The following WDFY4 variants were observed in gnomAD, a reference collection of about 807,000 sequenced individuals.
The protein encoded by WDFY4 is WD repeat- and FYVE domain-containing protein 4.
In WDFY4, 169 loss-of-function variants were observed where a neutral mutation model predicts 351.9. The observed-to-expected ratio is 0.48, with a 90% confidence interval of 0.42 to 0.55. WDFY4 has a LOEUF of 0.55. Among genes scored for constraint, WDFY4 ranks in the 20% least tolerant of loss-of-function variants. The pLI is 0.00. For missense variants in WDFY4, 3,803 were observed against 3,935.6 expected, an observed-to-expected ratio of 0.97 and a Z score of 0.90; for synonymous variants, 1,622 against 1,574.6, an observed-to-expected ratio of 1.03 and a Z score of -0.71.
intron 13 of WDFY4, among the ~76,000 whole-genome samples, chr10:48,774,000 T>TC (rs1374501141): frequency 2.0e-5 from 3 of 151,912 alleles, no homozygotes; most frequent in Non-Finnish European, 2.9e-5. Flanking sequence ...CCAGCCACCT[T>TC]CCCCCCACAG....
intron 19 of WDFY4, among the ~76,000 whole-genome samples, chr10:48,783,962 A>G (rs143257305): frequency 6.6e-6 from 1 of 152,378 alleles, no homozygotes; most frequent in Non-Finnish European, 1.5e-5. Context: ...GTAATGTGGC[A>G]CACAGCAATA....
At chr10:48,745,210 T>C (rs2064972269) in intron 12 of WDFY4, among the ~76,000 whole-genome samples, 1 of 152,258 alleles carries the variant, frequency 6.6e-6, no homozygotes, top group Non-Finnish European at 1.5e-5. Context: ...GTTTGAATTT[T>C]GAATTTCCAT....
chr10:48,914,502 T>G (rs973282483), intron 47 of WDFY4, among the ~76,000 whole-genome samples: 1 of 152,176 alleles, frequency 6.6e-6, no homozygotes, highest in Non-Finnish European at 1.5e-5. Context: ...CCCCGACTTA[T>G]AAATACTCTC....
At chr10:48,707,561 C>T (rs1197001379) in intron 1 of WDFY4, among the ~76,000 whole-genome samples, 1 of 152,086 alleles carries the variant, frequency 6.6e-6, no homozygotes. Context: ...GCATGTGATG[C>T]CCACTTTGGA....
intron 1 of WDFY4, among the ~76,000 whole-genome samples, chr10:48,685,415 G>C (rs550106795): frequency 2.5e-4 from 38 of 152,302 alleles, no homozygotes; most frequent in African/African-American, 8.2e-4. Flanking sequence ...GGACAGTGAG[G>C]CTCGCCCTCC....
At chr10:48,926,030 G>A (rs1384637739) in intron 47 of WDFY4, among the ~76,000 whole-genome samples, 1 of 152,212 alleles carries the variant, frequency 6.6e-6, no homozygotes, top group East Asian at 1.9e-4. Context: ...CAATGTGTCT[G>A]ATACGCAAGC....
chr10:48,834,911 G>A (rs2068330716), intron 39 of WDFY4, among the ~76,000 whole-genome samples: 1 of 152,218 alleles, frequency 6.6e-6, no homozygotes, highest in Non-Finnish European at 1.5e-5. Flanking sequence ...AGACCACCAT[G>A]TTTAGGGCCA....
At chr10:48,890,343 G>T (rs2133365908) in intron 43 of WDFY4, among the ~76,000 whole-genome samples, 1 of 152,266 alleles carries the variant, frequency 6.6e-6, no homozygotes, top group South Asian at 2.1e-4. Context: ...CACACATCTT[G>T]GTGGGAGCAG....
rs149324794 is a variant in WDFY4 at position 48,714,350 on chromosome 10, C to G, written c.234+4384C>G. Among the ~76,000 whole-genome samples, 20 of 152,334 alleles carry G rather than the reference C, an allele frequency of 1.3e-4. No individual in the cohort carries two copies. In the East Asian group the frequency reaches 3.7e-3, roughly 28 times the overall value. The stretch of plus-strand genomic sequence containing the variant: ...TTGGGCTCAAAAAGAATGTCTCCCC[C>G]ACACATAGGATGTTTAGATTGCTGA... On this transcript the variant is annotated intron_variant, in intron 2 of 61. Transcript: ENST00000325239.
intron 47 of WDFY4, among the ~76,000 whole-genome samples, chr10:48,930,800 T>A (rs1839948625): frequency 6.7e-6 from 1 of 150,216 alleles, no homozygotes; most frequent in Non-Finnish European, 1.5e-5. Flanking sequence ...CAAAAAAAAA[T>A]TATTTCCCAA....
At chr10:48,930,732 T>A (rs575064316) in intron 47 of WDFY4, among the ~76,000 whole-genome samples, 80 of 152,078 alleles carry the variant, frequency 5.3e-4, no homozygotes, top group African/African-American at 1.9e-3. Context: ...AATAGATGAG[T>A]GATTAAATAA....
At chr10:48,811,212 C>T (rs575255528) in intron 29 of WDFY4, among the ~76,000 whole-genome samples, 121 of 152,310 alleles carry the variant, frequency 7.9e-4, no homozygotes, top group African/African-American at 2.8e-3. Context: ...CTGTCCCTCC[C>T]ACTACAATGC....
chr10:48,790,570 C>T (rs909898826), intron 22 of WDFY4, among the ~76,000 whole-genome samples, 157 bp from the exon 23 acceptor site: 2 of 152,216 alleles, frequency 1.3e-5, no homozygotes, highest in Admixed American at 6.5e-5. Flanking sequence ...TCAGAACCTC[C>T]TGCTCTTCCC....
intron 45 of WDFY4, among the ~76,000 whole-genome samples, chr10:48,899,061 C>A (rs935054727): frequency 8.6e-5 from 13 of 150,894 alleles, no homozygotes; most frequent in African/African-American, 3.0e-4. Flanking sequence ...AGATAGGTAT[C>A]AGTCAGTGGG....
chr10:48,856,338 A>T (rs1482795867), intron 39 of WDFY4, among the ~76,000 whole-genome samples: 2 of 152,174 alleles, frequency 1.3e-5, no homozygotes, highest in Admixed American at 6.5e-5. Flanking sequence ...ATCTCAACTT[A>T]CCTAACCAGA....
Position 48,934,564 on chromosome 10 carries a change from GC to G in WDFY4, c.7587-7239del, listed in dbSNP as rs1226597057. Among the ~76,000 whole-genome samples the G allele has an allele frequency of 4.6e-5, 7 of 152,328 alleles. No individual in the cohort carries two copies. In the South Asian group the frequency reaches 8.3e-4, roughly 18 times the overall value. On this transcript the variant is annotated intron_variant, in intron 47 of 61. Coordinates refer to ENST00000325239, the MANE Select transcript of WDFY4 (RefSeq NM_001394531.1). ...CCCATGAAGAATCCCCCTTTGCAAA[GC>G]CCAACTTAGCCTAGGGCTTAACCAC...
intron 43 of WDFY4, among the ~76,000 whole-genome samples, chr10:48,881,245 C>T (rs564737210): frequency 6.6e-6 from 1 of 152,218 alleles, no homozygotes; most frequent in Admixed American, 6.5e-5. Context: ...TTGGAAGAAC[C>T]CTGGTACCTA....
At chr10:48,774,747 G>A (rs530823697) in intron 14 of WDFY4, 75 bp downstream of exon 14, 14 of 1,501,438 alleles carry the variant, frequency 9.3e-6, no homozygotes, top group South Asian at 4.8e-5. Flanking sequence ...TGCACAATGG[G>A]CAGTGGAGAG....
intron 2 of WDFY4, among the ~76,000 whole-genome samples, chr10:48,719,657 G>T (rs1177059531): frequency 2.0e-5 from 3 of 152,240 alleles, no homozygotes; most frequent in Non-Finnish European, 4.4e-5. Flanking sequence ...GAGGAAGGGA[G>T]AAACCTGGAG....
Sources: allele counts gnomAD v4.1 joint callset (sites outside exome capture counted in the v4.1 genomes callset), GRCh38; gene constraint gnomAD v4.1.1; transcripts MANE v1.5; gene names NCBI Gene and HGNC (gene_info 2026-07-23, HGNC 2026-07-21).